WDR25: variants seen among roughly 807,000 people sequenced by gnomAD.
WDR25 encodes the protein WD repeat-containing protein 25.
Under a neutral mutation model 47.7 loss-of-function variants are expected in WDR25, and 35 were observed. The observed-to-expected ratio is 0.73, with a 90% CI of 0.56 to 0.97. The LOEUF (loss-of-function observed/expected upper bound fraction) is 0.97. Among genes scored for constraint, WDR25 ranks in the 50% least tolerant of loss-of-function variants. WDR25 has a pLI of 0.00. For missense variants in WDR25, 634 were observed against 704.7 expected, an observed-to-expected ratio of 0.90 and a Z score of 1.14; for synonymous variants, 248 against 278.9, an observed-to-expected ratio of 0.89 and a Z score of 1.10.
At chr14:100,383,562 G>A (rs1896953884) in intron 2 of WDR25, among the ~76,000 whole-genome samples, 1 of 152,258 alleles carries the variant, frequency 6.6e-6, no homozygotes, top group Non-Finnish European at 1.5e-5. Context: ...TGATGGTGAG[G>A]GGCAGACCTG....
intron 2 of WDR25, among the ~76,000 whole-genome samples, chr14:100,396,181 T>TTAG (rs1351668780): frequency 6.6e-6 from 1 of 151,998 alleles, no homozygotes; most frequent in Non-Finnish European, 1.5e-5. Context: ...TTTCACCATG[T>TTAG]TAGCCAGGAT....
chr14:100,400,371 G>A (rs1297249561), intron 2 of WDR25, among the ~76,000 whole-genome samples: 1 of 152,210 alleles, frequency 6.6e-6, no homozygotes, highest in African/African-American at 2.4e-5. Flanking sequence ...TTATGATGGT[G>A]GCAGCCTTGC....
intron 2 of WDR25, among the ~76,000 whole-genome samples, chr14:100,439,560 G>A (rs1433328053): frequency 6.6e-6 from 1 of 152,238 alleles, no homozygotes; most frequent in Non-Finnish European, 1.5e-5. Context: ...CCTAATGCCT[G>A]TGGGGCTGCT....
rs113859347 is a variant in WDR25, at chr14:100,493,604, G to A, written c.1101+9480G>A. On this transcript the variant is annotated intron_variant, in intron 4 of 6. Transcript: ENST00000402312. The stretch of plus-strand genomic sequence containing the variant: ...CATTCTGCATCAGAGTGGCCCATCT[G>A]TTACAGATGGTGAACCCACAGTGAC... Among the ~76,000 whole-genome samples the A allele has an allele frequency of 2.0e-3, 305 of 152,224 alleles. 2 individuals are homozygous for A. The highest frequency in any genetic ancestry group is 7.2e-3 in the African/African-American group (301 of 41,518).
At chr14:100,450,095 A>C (rs1456181058) in intron 2 of WDR25, among the ~76,000 whole-genome samples, 1 of 152,206 alleles carries the variant, frequency 6.6e-6, no homozygotes, top group Non-Finnish European at 1.5e-5. Context: ...TTTAAAAACA[A>C]AAATCTGCTT....
chr14:100,488,886 G>A lies in WDR25; in HGVS notation c.1101+4762G>A, dbSNP rs1297208095. Among the ~76,000 whole-genome samples, 1 of 152,190 alleles carries A rather than the reference G, an allele frequency of 6.6e-6. No individual in the cohort carries two copies. The highest frequency in any genetic ancestry group is 1.5e-5 in the Non-Finnish European group (1 of 68,040). On this transcript the variant is annotated intron_variant, in intron 4 of 6. Coordinates refer to ENST00000402312, the MANE Select transcript of WDR25 (RefSeq NM_001161476.3). This position sits in a 1 kb window ranked among gnomAD's most constrained non-coding sequence, Gnocchi z 4.2. ...GTTTATTTACAGCCGCTTGGTGTGG[G>A]AGCCTGAGTCACCTCTGTGCCTGGC...
At chr14:100,382,881 C>A (rs1382311706) in intron 2 of WDR25, among the ~76,000 whole-genome samples, 1 of 152,214 alleles carries the variant, frequency 6.6e-6, no homozygotes, top group Admixed American at 6.5e-5. Context: ...ATACCTGGGT[C>A]ATGTGCTCAT....
intron 2 of WDR25, among the ~76,000 whole-genome samples, chr14:100,382,306 A>G (rs1042483966): frequency 1.3e-5 from 2 of 152,126 alleles, no homozygotes; most frequent in Admixed American, 1.3e-4. Flanking sequence ...CCAGCCCGGC[A>G]GGGCTCAGTG....
chr14:100,410,305 C>A (rs1420638334), intron 2 of WDR25, among the ~76,000 whole-genome samples: 1 of 152,128 alleles, frequency 6.6e-6, no homozygotes, highest in Non-Finnish European at 1.5e-5. Context: ...TCAAGGGCCT[C>A]CCAGGGAGAC....
chr14:100,429,780 C>G (rs1255733970), intron 2 of WDR25, among the ~76,000 whole-genome samples: 4 of 152,076 alleles, frequency 2.6e-5, no homozygotes, highest in African/African-American at 9.7e-5. Flanking sequence ...GCACACATGG[C>G]CTTTCCTTGG....
In WDR25 at chr14:100,523,154, C is replaced by G. The variant is rs1406455197; in HGVS notation, c.1102-2716C>G. On this transcript the variant is annotated intron_variant, in intron 4 of 6. Coordinates refer to ENST00000402312, the MANE Select transcript of WDR25 (RefSeq NM_001161476.3). The surrounding 1 kb of genome is among the most constrained non-coding windows in gnomAD (Gnocchi z 4.7). ...TAAAGTAGTCGACCTTTTGTTCATT[C>G]ACTCATTCATTTATGCATTTACTCA... Among the ~76,000 whole-genome samples, 1 of 152,202 alleles carries G rather than the reference C, an allele frequency of 6.6e-6. No individual in the cohort carries two copies. Among genetic ancestry groups the G allele is most frequent in the Non-Finnish European group, 1.5e-5 (1 of 68,036 alleles).
rs1898587730 is a variant in WDR25 at position 100,439,092 on chromosome 14, C to A, written c.823-28929C>A. Among the ~76,000 whole-genome samples, 3 of 152,214 alleles carry A rather than the reference C, an allele frequency of 2.0e-5. No homozygotes were observed. In the South Asian group the frequency reaches 6.2e-4, roughly 31 times the overall value. On this transcript the variant is annotated intron_variant, in intron 2 of 6. Transcript: ENST00000402312. ...CTGGGCATCAGTTGCCCAGGTACTT[C>A]CTAGCTCTATGCCCTGGGCAAGTGA...
chr14:100,389,582 C>T (rs1281171067), intron 2 of WDR25, among the ~76,000 whole-genome samples: 1 of 152,210 alleles, frequency 6.6e-6, no homozygotes, highest in African/African-American at 2.4e-5. Flanking sequence ...GTGAGTGAGA[C>T]CAACTGTGTC....
intron 4 of WDR25, among the ~76,000 whole-genome samples, chr14:100,515,789 C>CTTTTTTTTTTTTTTTTTTTTTTTTT: frequency 9.1e-6 from 1 of 110,310 alleles, no homozygotes; most frequent in Non-Finnish European, 1.8e-5. Flanking sequence ...CCACACCTTG[C>CTTTTTTTTTTTTTTTTTTTTTTTTT]TTTTTTTTTT....
intron 2 of WDR25, among the ~76,000 whole-genome samples, chr14:100,390,751 T>C (rs1897126138): frequency 6.6e-6 from 1 of 152,100 alleles, no homozygotes; most frequent in Non-Finnish European, 1.5e-5. Flanking sequence ...TCTGTGCCGC[T>C]CTTTTTGGGG....
At chr14:100,433,943 TG>T (rs1898418936) in intron 2 of WDR25, among the ~76,000 whole-genome samples, 1 of 151,962 alleles carries the variant, frequency 6.6e-6, no homozygotes, top group Non-Finnish European at 1.5e-5. Context: ...ACCAAGATTT[TG>T]GCCAGGCATA....
chr14:100,381,834 G>A, intron 2 of WDR25, 88 bp downstream of exon 2: 1 of 1,161,366 alleles, frequency 8.6e-7, no homozygotes, highest in Non-Finnish European at 1.2e-6. Flanking sequence ...GTTACAGGCT[G>A]AACTTTTTTT....
chr14:100,388,786 C>G (rs1435698112), intron 2 of WDR25, among the ~76,000 whole-genome samples: 5 of 152,176 alleles, frequency 3.3e-5, no homozygotes, highest in Admixed American at 2.0e-4. Context: ...TTTTTAATAA[C>G]TTCATTCCAT....
chr14:100,409,289 T>C (rs1376150221), intron 2 of WDR25, among the ~76,000 whole-genome samples: 1 of 152,208 alleles, frequency 6.6e-6, no homozygotes, highest in Non-Finnish European at 1.5e-5. Context: ...TGGCGCAAGG[T>C]GATGTGGTAG....
Sources: allele counts gnomAD v4.1 joint callset (sites outside exome capture counted in the v4.1 genomes callset), GRCh38; gene constraint gnomAD v4.1.1; non-coding constraint Gnocchi (gnomAD v3.1); transcripts MANE v1.5; gene names NCBI Gene and HGNC (gene_info 2026-07-23, HGNC 2026-07-21).